Variants in SCHIP1 observed in about 807,000 individuals in gnomAD.
The protein encoded by SCHIP1 is schwannomin-interacting protein 1.
In SCHIP1, 8 loss-of-function variants were observed where a neutral mutation model predicts 29.7. That is an observed-to-expected ratio of 0.27 (90% CI 0.16 to 0.49). The LOEUF (loss-of-function observed/expected upper bound fraction) is 0.49, where lower values mean the gene tolerates loss of function less well. Among genes scored for constraint, SCHIP1 ranks in the 20% least tolerant of loss-of-function variants. SCHIP1 has a pLI of 0.99. For missense variants in SCHIP1, 193 were observed against 294.6 expected, an observed-to-expected ratio of 0.66 and a Z score of 2.52; for synonymous variants, 76 against 94.9, an observed-to-expected ratio of 0.80 and a Z score of 1.16.
the SCHIP1 span, among the ~76,000 whole-genome samples, chr3:159,585,995 A>C: frequency 6.6e-6 from 1 of 152,256 alleles, no homozygotes; most frequent in African/African-American, 2.4e-5. Flanking sequence ...GATGGAGAAG[A>C]ATGTAAGTTT....
At chr3:159,483,188 C>T in the SCHIP1 span, among the ~76,000 whole-genome samples, 2 of 152,220 alleles carry the variant, frequency 1.3e-5, no homozygotes, top group East Asian at 3.9e-4. Context: ...TTTATGGGCA[C>T]TCAAATTGCT....
At chr3:159,339,661 T>C in the SCHIP1 span, among the ~76,000 whole-genome samples, 3 of 152,326 alleles carry the variant, frequency 2.0e-5, no homozygotes, top group South Asian at 6.2e-4. Context: ...TTTAAGTCCA[T>C]GGTATTCAAA....
At chr3:159,544,343 A>G in the SCHIP1 span, among the ~76,000 whole-genome samples, 4,518 of 152,128 alleles carry the variant, frequency 0.03, 235 homozygotes, top group African/African-American at 0.1. Context: ...CAATGCTTCA[A>G]GAGCATTCTT....
the SCHIP1 span, among the ~76,000 whole-genome samples, chr3:159,524,503 C>T: frequency 2.6e-5 from 4 of 152,214 alleles, no homozygotes; most frequent in Non-Finnish European, 4.4e-5. Flanking sequence ...CTTTCTTCAG[C>T]CTCTGCTTAA....
the SCHIP1 span, among the ~76,000 whole-genome samples, chr3:159,782,223 C>T: frequency 1.3e-5 from 2 of 152,196 alleles, no homozygotes; most frequent in African/African-American, 4.8e-5. Flanking sequence ...TGCTGGGCCA[C>T]CTACTTTTCA....
chr3:159,719,219 T>C, the SCHIP1 span, among the ~76,000 whole-genome samples: 45 of 152,160 alleles, frequency 3.0e-4, no homozygotes, highest in Non-Finnish European at 1.0e-4. Flanking sequence ...TTATACCTCA[T>C]ACAAAAATTA....
the SCHIP1 span, among the ~76,000 whole-genome samples, chr3:159,712,794 A>C: frequency 6.6e-6 from 1 of 151,606 alleles, no homozygotes; most frequent in African/African-American, 2.4e-5. Flanking sequence ...AGGAAGGAAG[A>C]AAGAGAGAGA....
the SCHIP1 span, among the ~76,000 whole-genome samples, chr3:159,390,018 A>C: frequency 1.3e-5 from 2 of 152,104 alleles, no homozygotes; most frequent in East Asian, 3.8e-4. Flanking sequence ...AAGCAGTTTT[A>C]CATTTATTAA....
the SCHIP1 span, among the ~76,000 whole-genome samples, chr3:159,312,324 T>C: frequency 6.6e-6 from 1 of 152,176 alleles, no homozygotes; most frequent in Non-Finnish European, 1.5e-5. Flanking sequence ...TGGTGATCTA[T>C]GGGCCATGGC....
chr3:159,598,907 T>C, the SCHIP1 span, among the ~76,000 whole-genome samples: 1 of 152,194 alleles, frequency 6.6e-6, no homozygotes, highest in Non-Finnish European at 1.5e-5. Context: ...AGAATTGTTA[T>C]ATCCTTTTCC....
the SCHIP1 span, among the ~76,000 whole-genome samples, chr3:159,508,557 G>A: frequency 3.3e-5 from 5 of 152,122 alleles, no homozygotes; most frequent in South Asian, 2.1e-4. Flanking sequence ...TAATTGTGAT[G>A]TTAGGGTGTC....
chr3:159,346,692 C>T, the SCHIP1 span, among the ~76,000 whole-genome samples: 11 of 152,062 alleles, frequency 7.2e-5, no homozygotes, highest in Non-Finnish European at 1.2e-4. Flanking sequence ...ACCCACAGCA[C>T]CCCCTTTGGG....
At chr3:159,642,060 T>C in the SCHIP1 span, among the ~76,000 whole-genome samples, 13,446 of 152,108 alleles carry the variant, frequency 0.088, 1,978 homozygotes, top group African/African-American at 0.3. Context: ...CTCCCACTTA[T>C]GGACTCTGTG....
chr3:159,273,836 C>T, the SCHIP1 span: 1 of 1,613,420 alleles, frequency 6.2e-7, no homozygotes, highest in Non-Finnish European at 8.5e-7. Flanking sequence ...GAGGTCCGGG[C>T]AGCGTGTTAC....
At chr3:159,840,281 A>G in intron 1 of SCHIP1, 1 of 1,374,716 alleles carries the variant, frequency 7.3e-7, no homozygotes. Flanking sequence ...CTTCCAAAGC[A>G]GCAGGTTGCC....
At chr3:159,694,857 T>C in the SCHIP1 span, among the ~76,000 whole-genome samples, 1 of 152,186 alleles carries the variant, frequency 6.6e-6, no homozygotes, top group Non-Finnish European at 1.5e-5. Context: ...CTCAATTACC[T>C]TATGATTCTC....
chr3:159,856,413 C>A (rs1447548856), intron 1 of SCHIP1, among the ~76,000 whole-genome samples: 1 of 151,988 alleles, frequency 6.6e-6, no homozygotes, highest in Non-Finnish European at 1.5e-5. Context: ...TCTTTCCCTG[C>A]CCCAGGAATG....
the SCHIP1 span, among the ~76,000 whole-genome samples, chr3:159,452,471 G>A: frequency 3.3e-4 from 51 of 152,278 alleles, no homozygotes; most frequent in Admixed American, 2.6e-3. Flanking sequence ...CCCTGCAAAG[G>A]ACATGAACTC....
the SCHIP1 span, among the ~76,000 whole-genome samples, chr3:159,370,253 ACT>A: frequency 6.6e-6 from 1 of 151,432 alleles, no homozygotes; most frequent in Admixed American, 6.6e-5. Context: ...TCACTTGCTC[ACT>A]CTATCTCAGC....
Sources: gnomAD v4.1 joint callset for allele counts (sites outside exome capture counted in the v4.1 genomes callset) on GRCh38, gnomAD v4.1.1 for gene constraint, MANE v1.5 for transcripts, NCBI Gene and HGNC (gene_info 2026-07-23, HGNC 2026-07-21) for gene names.